The following SEPTIN9 variants were observed in gnomAD, a reference collection of about 807,000 sequenced individuals.
SEPTIN9 encodes septin-9.
A neutral mutation model predicts 56.6 loss-of-function variants in SEPTIN9; 13 were observed. The observed-to-expected ratio is 0.23, with a 90% CI of 0.15 to 0.37. The LOEUF (loss-of-function observed/expected upper bound fraction) is 0.37, where lower values mean the gene tolerates loss of function less well. Ranked by LOEUF, SEPTIN9 falls within the 10% of genes least tolerant of loss-of-function variation. SEPTIN9 has a pLI of 1.00. For missense variants in SEPTIN9, 650 were observed against 823.1 expected (o/e 0.79, Z 2.57); for synonymous variants, 332 against 334.1 (o/e 0.99, Z 0.07).
intron 2 of SEPTIN9, among the ~76,000 whole-genome samples, chr17:77,325,764 C>T (rs899935974): frequency 6.6e-6 from 1 of 152,234 alleles, no homozygotes; most frequent in Non-Finnish European, 1.5e-5. Flanking sequence ...CCTTTGTCTG[C>T]TTCCTGTTTG....
At position 77,434,675 on chromosome 17, in the gene SEPTIN9, G is replaced by T. The variant is rs149757811; in HGVS notation, c.721+31972G>T. ...ATTTGTGGGCACCCCCGCCCCAGAC[G>T]TGAGGGTTGGCATCTTCTCTTGCAC... On this transcript the variant is annotated intron_variant, in intron 3 of 11. Transcript: ENST00000427177. This position sits in a 1 kb window ranked among gnomAD's most constrained non-coding sequence, Gnocchi z 5.0. 2.6e-5 allele frequency among the ~76,000 whole-genome samples: 4 copies of T among 152,304 alleles called. No individual in the cohort carries two copies. Among genetic ancestry groups the T allele is most frequent in the African/African-American group, 7.2e-5 (3 of 41,570 alleles).
In SEPTIN9 at chr17:77,409,761, G is replaced by T. The variant is rs144636492; in HGVS notation, c.721+7058G>T. Among the ~76,000 whole-genome samples, 131 of 152,330 alleles carry T rather than the reference G, an allele frequency of 8.6e-4. 3 individuals are homozygous for T. In the East Asian group the frequency reaches 0.015, roughly 17 times the overall value. On this transcript the variant is annotated intron_variant, in intron 3 of 11. Transcript: ENST00000427177. ...CGGGATTGAGGGTCTGCACAATGGC[G>T]AGCCTGTCCGGAGGGGCGCGCCGCG...
At chr17:77,360,120 G>A (rs537822287) in intron 2 of SEPTIN9, among the ~76,000 whole-genome samples, 6 of 146,548 alleles carry the variant, frequency 4.1e-5, no homozygotes, top group Admixed American at 3.5e-4. Flanking sequence ...TCACACCATT[G>A]CACTCCAGCC....
Position 77,310,815 on chromosome 17 carries a change from C to G in SEPTIN9, c.76+3618C>G, listed in dbSNP as rs2032463318. Among the ~76,000 whole-genome samples the G allele has an allele frequency of 6.6e-6, 1 of 152,200 alleles. No individual in the cohort carries two copies. Among genetic ancestry groups the G allele is most frequent in the Non-Finnish European group, 1.5e-5 (1 of 68,032 alleles). On this transcript the variant is annotated intron_variant, in intron 2 of 11. Coordinates refer to ENST00000427177, the MANE Select transcript of SEPTIN9 (RefSeq NM_001113491.2). The surrounding 1 kb of genome is among the most constrained non-coding windows in gnomAD (Gnocchi z 4.7). ...CCTGAGCTTCCCTCCCTCTGGCCCTCAGACCCCGGCTGGGATCCTTGGAGC... is the reference window on the plus strand; with the variant it reads ...CCTGAGCTTCCCTCCCTCTGGCCCTGAGACCCCGGCTGGGATCCTTGGAGC...
At chr17:77,346,766 C>T (rs1005574074) in intron 2 of SEPTIN9, among the ~76,000 whole-genome samples, 5 of 152,136 alleles carry the variant, frequency 3.3e-5, no homozygotes, top group African/African-American at 1.2e-4. Flanking sequence ...TTTGCTATGG[C>T]CTACCTGTTT....
At position 77,344,725 on chromosome 17, in the gene SEPTIN9, G is replaced by A. The variant is rs547765681; in HGVS notation, c.76+37528G>A. On this transcript the variant is annotated intron_variant, in intron 2 of 11. Transcript: ENST00000427177. ...GGTGGCTCACGCCTGTAATCCCAGC[G>A]CTTTGGAAGGCCGAGGTGGGCAGAT... 9.7e-4 allele frequency among the ~76,000 whole-genome samples: 147 copies of A among 152,176 alleles called. 4 individuals are homozygous for A. The South Asian group carries it at 0.027, about 28-fold the overall frequency.
At chr17:77,395,293 C>T (rs2035669493) in intron 2 of SEPTIN9, among the ~76,000 whole-genome samples, 4 of 152,000 alleles carry the variant, frequency 2.6e-5, no homozygotes, top group Non-Finnish European at 5.9e-5. Context: ...TTTGGGAGGC[C>T]GAGGCAGGCG....
intron 2 of SEPTIN9, among the ~76,000 whole-genome samples, chr17:77,340,098 G>A (rs575308615): frequency 2.5e-4 from 38 of 151,724 alleles, no homozygotes; most frequent in African/African-American, 9.0e-4. Flanking sequence ...CAAAATGCTG[G>A]GATTACAGCT....
In SEPTIN9 at chr17:77,451,501, C is replaced by T. The variant is rs926618627; in HGVS notation, c.722-30643C>T. On this transcript the variant is annotated intron_variant, in intron 3 of 11. Coordinates refer to ENST00000427177, the MANE Select transcript of SEPTIN9 (RefSeq NM_001113491.2). This position sits in a 1 kb window ranked among gnomAD's most constrained non-coding sequence, Gnocchi z 4.2. ...GGCGGGCCGCGGCTCTCGGCGCGTC[C>T]AGCGCAGCCCGACGTTCCGCTGCTG... 1.0e-5 allele frequency: 10 copies of T among 985,852 alleles called. No individual in the cohort carries two copies. The highest frequency in any genetic ancestry group is 1.1e-5 in the Non-Finnish European group (9 of 830,244). The allele number at this position is 985,852 out of a possible 1,614,324, so 61.1% of individuals were successfully genotyped here.
chr17:77,356,658 C>A (rs1336304726), intron 2 of SEPTIN9, among the ~76,000 whole-genome samples: 6 of 117,198 alleles, frequency 5.1e-5, no homozygotes, highest in Admixed American at 4.1e-4. Flanking sequence ...ATCTTCTCTT[C>A]CTGCTTTCCC....
Position 77,476,919 on chromosome 17 carries a change from C to T in SEPTIN9, c.722-5225C>T, listed in dbSNP as rs778584911. 6.6e-6 allele frequency among the ~76,000 whole-genome samples: 1 copy of T among 152,178 alleles called. No homozygotes were observed. The highest frequency in any genetic ancestry group is 1.5e-5 in the Non-Finnish European group (1 of 68,022). On this transcript the variant is annotated intron_variant, in intron 3 of 11. Coordinates refer to ENST00000427177, the MANE Select transcript of SEPTIN9 (RefSeq NM_001113491.2). This position sits in a 1 kb window ranked among gnomAD's most constrained non-coding sequence, Gnocchi z 6.0. ...CTGGGCACTTGTGGAAAACACTGGACTCTTTATTTTATTTTACTTTACATT... is the reference window on the plus strand; with the variant it reads ...CTGGGCACTTGTGGAAAACACTGGATTCTTTATTTTATTTTACTTTACATT...
In SEPTIN9 at chr17:77,487,316, C is replaced by T; in HGVS notation, c.914-108C>T. On this transcript the variant is annotated intron_variant, in intron 4 of 11. Transcript: ENST00000427177. The surrounding 1 kb of genome is among the most constrained non-coding windows in gnomAD (Gnocchi z 4.3). ...TTGCCGGGAGGTAGCCCAGGCACTGCTGAATCTCAGACTGGAGAGCCTCGT... is the reference window on the plus strand; with the variant it reads ...TTGCCGGGAGGTAGCCCAGGCACTGTTGAATCTCAGACTGGAGAGCCTCGT... 4 of 1,268,152 alleles carry T rather than the reference C, an allele frequency of 3.2e-6. No individual in the cohort carries two copies. The highest frequency in any genetic ancestry group is 4.5e-6 in the Non-Finnish European group (4 of 894,596). The allele number at this position is 1,268,152 out of a possible 1,614,324, so 78.6% of individuals were successfully genotyped here.
chr17:77,292,988 G>GTATT (rs1567977398), intron 1 of SEPTIN9, among the ~76,000 whole-genome samples: 1,543 of 147,812 alleles, frequency 0.01, 13 homozygotes, highest in East Asian at 0.029. Flanking sequence ...AACCGCTTGA[G>GTATT]CATTTATTTA....
At chr17:77,444,100 G>A (rs1030772276) in intron 3 of SEPTIN9, among the ~76,000 whole-genome samples, 2 of 152,196 alleles carry the variant, frequency 1.3e-5, no homozygotes, top group Non-Finnish European at 2.9e-5. Flanking sequence ...GGGATTTTAG[G>A]TGGGGTTTGC....
chr17:77,475,690 G>A lies in SEPTIN9; in HGVS notation c.722-6454G>A. On this transcript the variant is annotated intron_variant, in intron 3 of 11. Transcript: ENST00000427177. This position sits in a 1 kb window ranked among gnomAD's most constrained non-coding sequence, Gnocchi z 4.6. ...GACTGCTGGGCCCACGCTGGGCCGG[G>A]GTGGATGGAGGCAAGGAAGTCTTCG... is the stretch of plus-strand genomic sequence containing the variant. The A allele has an allele frequency of 6.2e-7, 1 of 1,613,642 alleles. No homozygotes were observed. Among genetic ancestry groups the A allele is most frequent in the Non-Finnish European group, 8.5e-7 (1 of 1,179,880 alleles).
chr17:77,430,845 G>C (rs1187537537), intron 3 of SEPTIN9, among the ~76,000 whole-genome samples: 2 of 152,090 alleles, frequency 1.3e-5, no homozygotes, highest in Non-Finnish European at 2.9e-5. Context: ...ACAAAAATTA[G>C]CCAGGTATGG....
chr17:77,377,001 G>C (rs2034951086), intron 2 of SEPTIN9: 1 of 152,228 alleles, frequency 6.6e-6, no homozygotes, highest in African/African-American at 2.4e-5. Flanking sequence ...GTTCAGGCCG[G>C]GTCCTTCAGG....
intron 3 of SEPTIN9, among the ~76,000 whole-genome samples, chr17:77,408,136 A>G (rs1454395281): frequency 2.6e-5 from 4 of 152,200 alleles, no homozygotes; most frequent in Non-Finnish European, 5.9e-5. Flanking sequence ...TGCCCAGCTC[A>G]GTTCTGGGCA....
chr17:77,428,162 C>T (rs1345572232), intron 3 of SEPTIN9, among the ~76,000 whole-genome samples: 7 of 152,316 alleles, frequency 4.6e-5, no homozygotes, highest in Admixed American at 2.0e-4. Flanking sequence ...AGGATTTAGC[C>T]GGATCTCTGA....
Sources: gnomAD v4.1 joint callset for allele counts (sites outside exome capture counted in the v4.1 genomes callset) on GRCh38, gnomAD v4.1.1 for gene constraint, Gnocchi (gnomAD v3.1) non-coding constraint, MANE v1.5 for transcripts, NCBI Gene and HGNC (gene_info 2026-07-23, HGNC 2026-07-21) for gene names.